Variants in OSBPL10 observed in about 807,000 individuals in gnomAD.
The protein encoded by OSBPL10 is oxysterol binding protein like 10.
In OSBPL10, 49 loss-of-function variants were observed where a neutral mutation model predicts 81.7. The ratio of observed to expected loss-of-function variants is 0.60; its 90% CI spans 0.48 to 0.76. OSBPL10 has a LOEUF of 0.76. Among genes scored for constraint, OSBPL10 ranks in the 30% least tolerant of loss-of-function variants. The pLI is 0.00. For missense variants in OSBPL10, 923 were observed against 987.8 expected (o/e 0.93, Z 0.88); for synonymous variants, 419 against 383.6 (o/e 1.09, Z -1.08).
intron 1 of OSBPL10, among the ~76,000 whole-genome samples, chr3:31,961,358 G>A (rs1698154962): frequency 6.6e-6 from 1 of 152,090 alleles, no homozygotes; most frequent in Admixed American, 6.5e-5. Context: ...AGCTCCCAGG[G>A]CTCGGAAAGC....
chr3:31,918,498 A>G (rs11929134), intron 1 of OSBPL10, among the ~76,000 whole-genome samples: 24,854 of 132,388 alleles, frequency 0.19, 2,525 homozygotes, highest in African/African-American at 0.26. Flanking sequence ...TTTTGTGTCT[A>G]AAGAGTTTGG....
At chr3:31,895,125 C>A (rs1178390937) in intron 1 of OSBPL10, among the ~76,000 whole-genome samples, 2 of 136,752 alleles carry the variant, frequency 1.5e-5, no homozygotes, top group East Asian at 4.2e-4. Flanking sequence ...TATTAGAATT[C>A]TCTGCGGCCT....
At position 31,747,898 on chromosome 3, in the gene OSBPL10, C is replaced by G; in HGVS notation, c.940+12G>C. 2 of 1,612,586 alleles carry G rather than the reference C, an allele frequency of 1.2e-6. No homozygotes were observed. The highest frequency in any genetic ancestry group is 1.7e-6 in the Non-Finnish European group (2 of 1,179,848). ...CTCATCCCAAACATGGACAAGCCCCCGGGGGTCTTACCCGAGGCTCCTGGC... is the reference window on the plus strand; with the variant it reads ...CTCATCCCAAACATGGACAAGCCCCGGGGGGTCTTACCCGAGGCTCCTGGC... On this transcript the variant is annotated intron_variant, in intron 5 of 11. Coordinates refer to ENST00000396556, the MANE Select transcript of OSBPL10 (RefSeq NM_017784.5).
At chr3:31,821,503 T>C (rs1575566498) in intron 4 of OSBPL10, among the ~76,000 whole-genome samples, 1 of 152,180 alleles carries the variant, frequency 6.6e-6, no homozygotes, top group East Asian at 1.9e-4. Flanking sequence ...ACACAGTAAG[T>C]ATCTAATATT....
intron 1 of OSBPL10, among the ~76,000 whole-genome samples, chr3:32,071,437 C>T (rs907548072): frequency 6.6e-6 from 1 of 152,324 alleles, no homozygotes; most frequent in African/African-American, 2.4e-5. Flanking sequence ...ACTGCTCCCA[C>T]ACTAGCTCTC....
chr3:31,893,296 T>C (rs1307863483), intron 1 of OSBPL10, among the ~76,000 whole-genome samples: 2 of 152,254 alleles, frequency 1.3e-5, no homozygotes, highest in East Asian at 3.9e-4. Flanking sequence ...GATACATGAA[T>C]GGTTAATAAA....
intron 5 of OSBPL10, among the ~76,000 whole-genome samples, chr3:31,743,682 G>C (rs1054612238): frequency 2.0e-5 from 3 of 152,176 alleles, no homozygotes; most frequent in African/African-American, 7.2e-5. Flanking sequence ...ACAGTGCAAG[G>C]ATCAGAAGGC....
intron 3 of OSBPL10, among the ~76,000 whole-genome samples, chr3:31,876,153 T>A (rs544777674): frequency 1.3e-5 from 2 of 152,118 alleles, no homozygotes; most frequent in South Asian, 4.1e-4. Context: ...AGCTTCTCAA[T>A]AGACCAATTA....
intron 2 of OSBPL10, among the ~76,000 whole-genome samples, chr3:32,014,802 C>G (rs1232837073): frequency 6.6e-6 from 1 of 152,114 alleles, no homozygotes; most frequent in Non-Finnish European, 1.5e-5. Context: ...ACACCAATAA[C>G]AGACAAACAG....
intron 3 of OSBPL10, among the ~76,000 whole-genome samples, chr3:31,833,737 A>ACACACACTCTCT (rs1491340793): frequency 1.4e-5 from 2 of 139,856 alleles, no homozygotes; most frequent in African/African-American, 5.5e-5. Context: ...ACACACACAC[A>ACACACACTCTCT]CTCTCTCTCT....
chr3:31,849,292 G>A (rs149651202), intron 3 of OSBPL10, among the ~76,000 whole-genome samples: 3 of 142,750 alleles, frequency 2.1e-5, no homozygotes, highest in East Asian at 4.1e-4. Flanking sequence ...TTAAGTTTTG[G>A]GAAGTTTGTT....
intron 4 of OSBPL10, among the ~76,000 whole-genome samples, chr3:31,760,324 C>T (rs1479653488): frequency 6.6e-6 from 1 of 152,122 alleles, no homozygotes; most frequent in Non-Finnish European, 1.5e-5. Context: ...CAAACCTGCG[C>T]TGTTCAAGGG....
chr3:32,018,967 T>A, intron 2 of OSBPL10, among the ~76,000 whole-genome samples: 1 of 147,554 alleles, frequency 6.8e-6, no homozygotes, highest in African/African-American at 2.5e-5. Context: ...AAGGGAGAAA[T>A]GAGAAAAATG....
intron 4 of OSBPL10, among the ~76,000 whole-genome samples, chr3:31,822,940 A>G (rs1272848694): frequency 8.3e-5 from 1 of 12,016 alleles, no homozygotes; most frequent in Non-Finnish European, 2.1e-4. Flanking sequence ...TTAAAATAGA[A>G]AAAAAAATAC....
rs148926438 is a variant in OSBPL10 at position 31,841,011 on chromosome 3, C to T, written c.538-10780G>A. On this transcript the variant is annotated intron_variant, in intron 3 of 11. Coordinates refer to ENST00000396556, the MANE Select transcript of OSBPL10 (RefSeq NM_017784.5). ...ACAACCTCCGCCTCCTAGGTTCAAG[C>T]GATTTTCTTGCCTCAGCCTCCCCTG... 2.2e-3 allele frequency among the ~76,000 whole-genome samples: 329 copies of T among 152,312 alleles called. 1 individual carries two copies. The highest frequency in any genetic ancestry group is 7.7e-3 in the African/African-American group (322 of 41,570).
chr3:32,048,625 T>C (rs1699644818), intron 1 of OSBPL10, among the ~76,000 whole-genome samples: 1 of 152,176 alleles, frequency 6.6e-6, no homozygotes, highest in South Asian at 2.1e-4. Flanking sequence ...ACACTATTAC[T>C]ATAGACTAGC....
chr3:31,747,889 A>C, intron 5 of OSBPL10, 21 bp downstream of exon 5: 2 of 1,611,212 alleles, frequency 1.2e-6, no homozygotes, highest in Non-Finnish European at 1.7e-6. Context: ...CCAAACATGG[A>C]CAAGCCCCCG....
Position 31,772,365 on chromosome 3 carries a change from C to G in OSBPL10, c.730-24245G>C, listed in dbSNP as rs572933168. ...TTCACAGTTCTGCTTCAAAAAGTCACCACAAATGGTGAATGAGCAAATACT... is the reference window on the plus strand; with the variant it reads ...TTCACAGTTCTGCTTCAAAAAGTCAGCACAAATGGTGAATGAGCAAATACT... On this transcript the variant is annotated intron_variant, in intron 4 of 11. Transcript: ENST00000396556. Among the ~76,000 whole-genome samples, 6 of 152,318 alleles carry G rather than the reference C, an allele frequency of 3.9e-5. No individual in the cohort carries two copies. The South Asian group carries it at 6.2e-4, about 16-fold the overall frequency.
intron 4 of OSBPL10, among the ~76,000 whole-genome samples, chr3:31,770,825 C>T (rs993289866): frequency 1.3e-5 from 2 of 152,110 alleles, no homozygotes; most frequent in African/African-American, 2.4e-5. Flanking sequence ...CTCAGCTTCA[C>T]GGAAAACTAA....
Sources: gnomAD v4.1 joint callset for allele counts (sites outside exome capture counted in the v4.1 genomes callset) on GRCh38, gnomAD v4.1.1 for gene constraint, MANE v1.5 for transcripts, NCBI Gene and HGNC (gene_info 2026-07-23, HGNC 2026-07-21) for gene names.